The following ADK variants were observed in gnomAD, a reference collection of about 807,000 sequenced individuals.
ADK encodes N6,N6-dimethyladenosine kinase.
In ADK, 24 loss-of-function variants were observed where a neutral mutation model predicts 44.7. The observed-to-expected ratio is 0.54, with a 90% CI of 0.39 to 0.76. The LOEUF (loss-of-function observed/expected upper bound fraction) is 0.76, where lower values mean the gene tolerates loss of function less well. Ranked by LOEUF, ADK falls within the 30% of genes least tolerant of loss-of-function variation. The pLI, the probability that ADK is intolerant of heterozygous loss-of-function variation, is 0.00. For missense variants in ADK, 321 were observed against 425.1 expected (o/e 0.76, Z 2.15); for synonymous variants, 128 against 142.6 (o/e 0.90, Z 0.73).
chr10:74,218,070 C>T (rs978663220), intron 2 of ADK, among the ~76,000 whole-genome samples: 2 of 152,014 alleles, frequency 1.3e-5, no homozygotes, highest in Non-Finnish European at 2.9e-5. Flanking sequence ...GATCAAACTA[C>T]GAGCTACGGG....
intron 10 of ADK, among the ~76,000 whole-genome samples, chr10:74,683,292 G>A (rs1448105306): frequency 6.6e-6 from 1 of 152,196 alleles, no homozygotes; most frequent in Non-Finnish European, 1.5e-5. Context: ...CTAACAGGCA[G>A]CAGACATTTT....
chr10:74,362,844 C>T (rs192981431), intron 4 of ADK, among the ~76,000 whole-genome samples: 1 of 152,348 alleles, frequency 6.6e-6, no homozygotes, highest in Non-Finnish European at 1.5e-5. Flanking sequence ...CTTTCTGGCC[C>T]AGATGGACCT....
intron 3 of ADK, among the ~76,000 whole-genome samples, chr10:74,269,379 G>A (rs1290202644): frequency 4.6e-5 from 7 of 152,052 alleles, no homozygotes; most frequent in Admixed American, 4.6e-4. Flanking sequence ...ATTTAACTCT[G>A]GTTAGCTACA....
intron 8 of ADK, among the ~76,000 whole-genome samples, chr10:74,594,207 G>C (rs1589279885): frequency 6.6e-6 from 1 of 151,818 alleles, no homozygotes; most frequent in South Asian, 2.1e-4. Context: ...GTTGGGGAGG[G>C]ATATCATCAG....
chr10:74,340,249 A>G (rs1240265181), intron 4 of ADK, among the ~76,000 whole-genome samples: 1 of 152,128 alleles, frequency 6.6e-6, no homozygotes, highest in Non-Finnish European at 1.5e-5. Context: ...AAAGGTGTGA[A>G]ATTCCAGTTA....
intron 4 of ADK, 51 bp downstream of exon 4, chr10:74,314,796 A>C (rs776060880): frequency 7.6e-7 from 1 of 1,323,162 alleles, no homozygotes; most frequent in African/African-American, 1.4e-5. Flanking sequence ...TTCTAGACCC[A>C]TGTCTATTTT....
At chr10:74,322,239 C>G (rs1190308088) in intron 4 of ADK, among the ~76,000 whole-genome samples, 1 of 152,114 alleles carries the variant, frequency 6.6e-6, no homozygotes, top group African/African-American at 2.4e-5. Flanking sequence ...ATGAAGTGAT[C>G]AAAGAGAATT....
At chr10:74,205,470 G>A (rs535330054) in intron 2 of ADK, among the ~76,000 whole-genome samples, 5 of 152,242 alleles carry the variant, frequency 3.3e-5, no homozygotes, top group South Asian at 2.1e-4. Context: ...GAGGTCAGGA[G>A]TTTGAGACCA....
chr10:74,697,479 C>CA (rs537163556), intron 10 of ADK, among the ~76,000 whole-genome samples: 21 of 151,826 alleles, frequency 1.4e-4, no homozygotes, highest in African/African-American at 5.1e-4. Flanking sequence ...CAAACAAAAA[C>CA]AAAAAAAACT....
intron 4 of ADK, among the ~76,000 whole-genome samples, chr10:74,367,316 T>C (rs1842526963): frequency 6.6e-6 from 1 of 152,234 alleles, no homozygotes; most frequent in African/African-American, 2.4e-5. Flanking sequence ...CTAGAGTCTT[T>C]AAAGCTGGCA....
At chr10:74,670,070 T>C (rs1855113121) in intron 9 of ADK, 113 bp from the exon 10 acceptor site, 1 of 843,174 alleles carries the variant, frequency 1.2e-6, no homozygotes, top group African/African-American at 1.7e-5. Context: ...GGAGCTTATG[T>C]CCTGTCTCTC....
intron 1 of ADK, among the ~76,000 whole-genome samples, chr10:74,181,244 T>C (rs10740421): frequency 1.3e-5 from 2 of 151,566 alleles, no homozygotes; most frequent in African/African-American, 4.9e-5. Context: ...GATTTTTTTT[T>C]GGGGGGGGTC....
intron 6 of ADK, among the ~76,000 whole-genome samples, chr10:74,449,552 T>G (rs976921651): frequency 6.6e-6 from 1 of 152,208 alleles, no homozygotes; most frequent in Non-Finnish European, 1.5e-5. Context: ...TATCTTTTTA[T>G]TTTAAATTTT....
chr10:74,474,758 A>C (rs1389753230), intron 6 of ADK, among the ~76,000 whole-genome samples: 1 of 152,142 alleles, frequency 6.6e-6, no homozygotes, highest in African/African-American at 2.4e-5. Flanking sequence ...TTCTAGGCTC[A>C]AGCAATCCTC....
intron 4 of ADK, among the ~76,000 whole-genome samples, chr10:74,326,156 G>A (rs1419804208): frequency 2.0e-5 from 3 of 152,042 alleles, no homozygotes; most frequent in East Asian, 1.9e-4. Context: ...TATGTTCATC[G>A]GAGACATTGG....
intron 2 of ADK, among the ~76,000 whole-genome samples, chr10:74,222,100 G>T (rs570922042): frequency 0.031 from 4,688 of 151,858 alleles, 242 homozygotes; most frequent in African/African-American, 0.11. Flanking sequence ...GAAAATTTTT[G>T]CAACCTACTC....
intron 7 of ADK, among the ~76,000 whole-genome samples, chr10:74,575,116 G>T (rs1851139601): frequency 6.6e-6 from 1 of 152,182 alleles, no homozygotes; most frequent in African/African-American, 2.4e-5. Context: ...TCAAGTCAGT[G>T]TCAATCTAAT....
chr10:74,385,177 A>C (rs1244899381), intron 4 of ADK, among the ~76,000 whole-genome samples: 1 of 152,226 alleles, frequency 6.6e-6, no homozygotes, highest in East Asian at 1.9e-4. Context: ...GGTTATATGA[A>C]TATATCTCAA....
intron 9 of ADK, among the ~76,000 whole-genome samples, chr10:74,652,528 A>G (rs1854310880): frequency 1.3e-5 from 2 of 151,558 alleles, no homozygotes; most frequent in Non-Finnish European, 2.9e-5. Context: ...TGGGAGGCCA[A>G]GGTGGGCAGA....
Sources: allele counts gnomAD v4.1 joint callset (sites outside exome capture counted in the v4.1 genomes callset), GRCh38; gene constraint gnomAD v4.1.1; transcripts MANE v1.5; gene names NCBI Gene and HGNC (gene_info 2026-07-23, HGNC 2026-07-21).